Variants in GAA observed in about 807,000 individuals in gnomAD.
GAA encodes alpha glucosidase, also known as lysosomal alpha-glucosidase.
A neutral mutation model predicts 103.9 loss-of-function variants in GAA; 88 were observed. That is an observed-to-expected ratio of 0.85 (90% CI 0.71 to 1.01). The LOEUF is 1.01. Ranked by LOEUF, GAA falls within the 50% of genes least tolerant of loss-of-function variation. GAA has a pLI of 0.00. For synonymous variants in GAA, 572 were observed against 563.1 expected (o/e 1.02, Z -0.22); for missense variants, 1,350 against 1,305.3 (o/e 1.03, Z -0.53).
rs1245858495 is a variant in GAA at position 80,104,644 on chromosome 17, T to A, written c.58T>A (p.Ser20Thr). The A allele has an allele frequency of 6.2e-6, 10 of 1,613,114 alleles. No individual in the cohort carries two copies. Among genetic ancestry groups the A allele is most frequent in the African/African-American group, 1.3e-5 (1 of 74,906 alleles). The change falls in exon 2 of 20, where the codon TCC (serine) becomes ACC (threonine). Residue 20 changes from serine (S) to threonine (T), a missense_variant. Physicochemically the swap from Ser to Thr is moderately conservative, Grantham distance 58. Transcript: ENST00000302262. The surrounding 1 kb of genome is among the most constrained non-coding windows in gnomAD (Gnocchi z 4.0). ...GCTCCTGGCCGTCTGCGCCCTCGTG[T>A]CCTTGGCAACCGCTGCACTCCTGGG... ...HRLLAVCALV[S>T]LATAALLGHI...
rs575856177 is a variant in GAA at position 80,111,360 on chromosome 17, G to T, written c.1636+335G>T. Among the ~76,000 whole-genome samples the T allele has an allele frequency of 2.0e-5, 3 of 152,332 alleles. No homozygotes were observed. In the East Asian group the frequency reaches 5.8e-4, roughly 29 times the overall value. ...CGTGGGGAGAGGTCAGGCCCAACTC[G>T]AATGCAGCACGGGCAAGTGGATTTC... On this transcript the variant is annotated intron_variant, in intron 11 of 19. Transcript: ENST00000302262.
Position 80,104,110 on chromosome 17 carries a change from G to T in GAA, c.-32-445G>T, listed in dbSNP as rs762867648. On this transcript the variant is annotated intron_variant, in intron 1 of 19. Coordinates refer to ENST00000302262, the MANE Select transcript of GAA (RefSeq NM_000152.5). This position sits in a 1 kb window ranked among gnomAD's most constrained non-coding sequence, Gnocchi z 4.0. ...AAAATCCCGTCTCTACAAAAATACA[G>T]AAAATTAGCTGGGTGCGGTGGTGTG... 9.9e-5 allele frequency among the ~76,000 whole-genome samples: 15 copies of T among 152,020 alleles called. No homozygotes were observed. Among genetic ancestry groups the T allele is most frequent in the Non-Finnish European group, 1.6e-4 (11 of 67,976 alleles).
At position 80,115,109 on chromosome 17, in the gene GAA, A is replaced by G. The variant is rs2039331927; in HGVS notation, c.2189+1743A>G. 4.6e-5 allele frequency among the ~76,000 whole-genome samples: 7 copies of G among 152,086 alleles called. No individual in the cohort carries two copies. In the South Asian group the frequency reaches 1.5e-3, roughly 32 times the overall value. The stretch of plus-strand genomic sequence containing the variant: ...TTGAGCTTCTTGGACGTATGCATTG[A>G]TGTTTTTCATCAAACTTGGGCGGTT... On this transcript the variant is annotated intron_variant, in intron 15 of 19. Coordinates refer to ENST00000302262, the MANE Select transcript of GAA (RefSeq NM_000152.5).
At chr17:80,113,172 C>G (rs371599012) in intron 14 of GAA, 46 bp from the exon 15 acceptor site, 1 of 1,555,500 alleles carries the variant, frequency 6.4e-7, no homozygotes, top group Non-Finnish European at 8.7e-7. Flanking sequence ...CAGGGGACCG[C>G]GGCCCCAGCA....
chr17:80,112,654 G>A lies in GAA; in HGVS notation c.1831G>A (p.Gly611Ser), dbSNP rs1278340100. Residue 611 changes from glycine to serine, a missense_variant, in exon 13 of 20, where the codon GGC (glycine) becomes AGC (serine). By Grantham distance (56) the Gly-to-Ser change is moderately conservative. Coordinates refer to ENST00000302262, the MANE Select transcript of GAA (RefSeq NM_000152.5). ...CTTTGCTGGCCACGGCCGATACGCC[G>A]GCCACTGGACGGGGGACGTGTGGAG... Reference protein sequence around the residue: ...STFAGHGRYAGHWTGDVWSSW... With the variant: ...STFAGHGRYASHWTGDVWSSW... 28 of 1,612,680 alleles carry A rather than the reference G, an allele frequency of 1.7e-5. No individual in the cohort carries two copies. Among genetic ancestry groups the A allele is most frequent in the Non-Finnish European group, 2.3e-5 (27 of 1,179,892 alleles).
chr17:80,105,132 G>T lies in GAA; in HGVS notation c.546G>T (p.Thr182=), dbSNP rs143523371. Residue 182 remains threonine (T), a splice_region_variant and synonymous_variant, in exon 2 of 20, where the codon ACG becomes ACT. Transcript: ENST00000302262. ...AGACTGAGAACCGCCTCCACTTCAC[G>T]GTGGGCAGGGCAGGGGCGGGGGCGG... ...MMETENRLHF[T]IKDPANRRYE... is the part of the protein sequence containing the mutation. 7.5e-6 allele frequency: 12 copies of T among 1,603,912 alleles called. No individual in the cohort carries two copies. The highest frequency in any genetic ancestry group is 4.5e-5 in the East Asian group (2 of 44,776).
rs756921041 is a variant in GAA, at chr17:80,107,910, C to A, written c.955+14C>A. 83 of 1,584,692 alleles carry A rather than the reference C, an allele frequency of 5.2e-5. No homozygotes were observed. The highest frequency in any genetic ancestry group is 1.3e-5 in the African/African-American group (1 of 74,288). ...GCAATGCCATGGGTAAGCTGCCCGC[C>A]GCCCAGCGCCCGGGCCGGGGTCTCC... is the stretch of plus-strand genomic sequence containing the variant. On this transcript the variant is annotated intron_variant, in intron 5 of 19. Transcript: ENST00000302262.
At position 80,103,658 on chromosome 17, in the gene GAA, CTTG is replaced by C. The variant is rs527920479; in HGVS notation, c.-32-892_-32-890del. Among the ~76,000 whole-genome samples, 805 of 152,250 alleles carry C rather than the reference CTTG, an allele frequency of 5.3e-3. 4 individuals carry two copies. Among genetic ancestry groups the C allele is most frequent in the Non-Finnish European group, 9.5e-3 (648 of 68,002 alleles). On this transcript the variant is annotated intron_variant, in intron 1 of 19. Transcript: ENST00000302262. ...CCATATCTCATCTGCACGCGACATC[CTTG>C]TTGTGTCTGTACCCGAGGCTCCAGG...
rs962925012 is a variant in GAA at position 80,108,231 on chromosome 17, G to A, written c.956-59G>A. On this transcript the variant is annotated intron_variant, in intron 5 of 19. Coordinates refer to ENST00000302262, the MANE Select transcript of GAA (RefSeq NM_000152.5). ...CGCCTGTGATTGGCCCATCTGTGGG[G>A]TGCAGAGCCCTCCAAGTGAAGAATC... 5.6e-6 allele frequency: 9 copies of A among 1,612,662 alleles called. No homozygotes were observed. In the East Asian group the frequency reaches 1.1e-4, roughly 20 times the overall value.
intron 13 of GAA, 32 bp downstream of exon 13, chr17:80,112,743 G>A: frequency 1.3e-6 from 2 of 1,592,854 alleles, no homozygotes; most frequent in Non-Finnish European, 1.7e-6. Context: ...CTGCTCAGCA[G>A]AGTAGAGCCG....
At chr17:80,109,178 A>AG (rs2039170272) in intron 8 of GAA, among the ~76,000 whole-genome samples, 1 of 152,174 alleles carries the variant, frequency 6.6e-6, no homozygotes, top group Non-Finnish European at 1.5e-5. Context: ...GGAACTGTGG[A>AG]GGCTCCGTGT....
intron 8 of GAA, among the ~76,000 whole-genome samples, chr17:80,109,635 C>T (rs1407006447): frequency 1.3e-5 from 2 of 152,034 alleles, no homozygotes; most frequent in African/African-American, 4.8e-5. Flanking sequence ...TTTTTTCTTT[C>T]TCACATTTTT....
rs1326188868 is a variant in GAA, at chr17:80,113,248, G to T, written c.2071G>T (p.Ala691Ser). 6.2e-7 allele frequency: 1 copy of T among 1,600,946 alleles called. No homozygotes were observed. The highest frequency in any genetic ancestry group is 8.5e-7 in the Non-Finnish European group (1 of 1,174,610). The change falls in exon 15 of 20, where the codon GCC becomes TCC. Residue 691 changes from alanine to serine, a missense_variant. Physicochemically the swap from Ala to Ser is moderately conservative, Grantham distance 99 (BLOSUM62 1). Transcript: ENST00000302262. ...GGAGCCGTACAGCTTCAGCGAGCCGGCCCAGCAGGCCATGAGGAAGGCCCT... is the reference window on the plus strand; with the variant it reads ...GGAGCCGTACAGCTTCAGCGAGCCGTCCCAGCAGGCCATGAGGAAGGCCCT... ...PQEPYSFSEPAQQAMRKALTL... is the reference protein window; with the variant it reads ...PQEPYSFSEPSQQAMRKALTL...
chr17:80,113,413 G>A (rs1350951215), intron 15 of GAA, 47 bp downstream of exon 15: 1 of 1,477,748 alleles, frequency 6.8e-7, no homozygotes, highest in African/African-American at 1.4e-5. Context: ...CCCTGGGGGA[G>A]GGGCACGTAA....
chr17:80,110,652 G>A, intron 9 of GAA, 75 bp from the exon 10 acceptor site: 1 of 1,315,138 alleles, frequency 7.6e-7, no homozygotes, highest in Non-Finnish European at 1.1e-6. Flanking sequence ...CTCTGCTCAG[G>A]CTGAGGCTCA....
chr17:80,112,755 G>A, intron 13 of GAA, 44 bp downstream of exon 13: 1 of 1,586,916 alleles, frequency 6.3e-7, no homozygotes, highest in South Asian at 1.1e-5. Context: ...GTAGAGCCGG[G>A]GGCCTCTATG....
At chr17:80,111,819 C>T (rs1221731266) in intron 11 of GAA, 164 bp from the exon 12 acceptor site, 5 of 627,464 alleles carry the variant, frequency 8.0e-6, no homozygotes, top group Admixed American at 2.5e-5. Context: ...TCCCGGGTAA[C>T]GCCAGCCCCA....
At position 80,114,739 on chromosome 17, in the gene GAA, T is replaced by C. The variant is rs139945042; in HGVS notation, c.2189+1373T>C. Among the ~76,000 whole-genome samples, 343 of 152,372 alleles carry C rather than the reference T, an allele frequency of 2.3e-3. 3 individuals are homozygous for C. The highest frequency in any genetic ancestry group is 7.0e-3 in the African/African-American group (293 of 41,588). On this transcript the variant is annotated intron_variant, in intron 15 of 19. Transcript: ENST00000302262. ...GTAGTTACCTTTACCCATGGTTTTA[T>C]TTCTTCATGTGGCTTTGACTTCTTG...
intron 15 of GAA, among the ~76,000 whole-genome samples, chr17:80,116,091 C>T (rs2039347963): frequency 6.6e-6 from 1 of 152,168 alleles, no homozygotes; most frequent in African/African-American, 2.4e-5. Context: ...TTGAGAGGGG[C>T]TTACTCCACC....
Sources: allele counts gnomAD v4.1 joint callset (sites outside exome capture counted in the v4.1 genomes callset), GRCh38; gene constraint gnomAD v4.1.1; non-coding constraint Gnocchi (gnomAD v3.1); transcripts MANE v1.5; gene names NCBI Gene and HGNC (gene_info 2026-07-23, HGNC 2026-07-21).